Variants in SLC19A1 observed in about 807,000 individuals in gnomAD.
SLC19A1 encodes solute carrier family 19 member 1, also known as reduced folate transporter.
SLC19A1 carries 37 observed loss-of-function variants against 35.3 expected under a neutral mutation model. That is an observed-to-expected ratio of 1.05 (90% confidence interval 0.81 to 1.38). The LOEUF is 1.38. Among genes scored for constraint, SLC19A1 ranks in the 40% most tolerant of loss-of-function variants. The probability of loss-of-function intolerance (pLI) is 0.00; values close to 1 mark genes in which losing one functional copy is unlikely to be tolerated. For missense variants in SLC19A1, 831 were observed against 826.9 expected (o/e 1.00, Z -0.06); for synonymous variants, 460 against 398.5 (o/e 1.15, Z -1.84).
At chr21:45,508,100 ATGGTGGTCAGGCGGGTGAGTGGACGGG>A (rs1269541793), downstream of SLC19A1, among the ~76,000 whole-genome samples, 1 of 114,600 alleles carries the variant, frequency 8.7e-6, no homozygotes, top group East Asian at 3.2e-4. Flanking sequence ...GAGTGGATGG[ATGGTGGTCAGGCGGGTGAGTGGACGGG>A]TGGGTGGGTG....
chr21:45,531,988 G>T lies in SLC19A1; in HGVS notation c.350C>A (p.Ala117Glu), dbSNP rs747734314. The change falls in exon 3 of 6, where the codon GCG (alanine) becomes GAG (glutamate). Residue 117 changes from alanine to glutamate, a missense_variant. Ala to Glu is a moderately radical substitution (Grantham distance 107). Coordinates refer to ENST00000311124, the MANE Select transcript of SLC19A1 (RefSeq NM_194255.4). The stretch of plus-strand genomic sequence containing the variant: ...GAAGAGCTCCATGAGCTGCATGTGC[G>T]CCACCGAGTGGCCCAGCAGCAGCAG... ...WLLLLLGHSV[A>E]HMQLMELFYS... is the part of the protein sequence containing the mutation. 2.0e-5 allele frequency: 32 copies of T among 1,609,736 alleles called. 1 individual carries two copies. The South Asian group carries it at 3.3e-4, about 17-fold the overall frequency.
chr21:45,528,824 C>T (rs1332912988), intron 4 of SLC19A1, among the ~76,000 whole-genome samples: 2 of 152,228 alleles, frequency 1.3e-5, no homozygotes, highest in Non-Finnish European at 2.9e-5. Flanking sequence ...TGACCATCTG[C>T]ATCTGTGTCT....
At chr21:45,560,234 C>T (rs1419442281) in intron 1 of SLC19A1, among the ~76,000 whole-genome samples, 2 of 152,224 alleles carry the variant, frequency 1.3e-5, no homozygotes, top group African/African-American at 4.8e-5. Flanking sequence ...GGACTCCTCC[C>T]ACAGCCACAC....
At chr21:45,512,439 C>A, downstream of SLC19A1, 1 of 1,584,028 alleles carries the variant, frequency 6.3e-7, no homozygotes, top group Non-Finnish European at 8.6e-7. Context: ...ACCGGCGGCT[C>A]GGAGGAAGCC....
At chr21:45,537,069 C>T (rs575721666) in intron 2 of SLC19A1, among the ~76,000 whole-genome samples, 22 of 152,304 alleles carry the variant, frequency 1.4e-4, no homozygotes, top group African/African-American at 4.8e-4. Context: ...TCAATAATCT[C>T]TTTAGGTAAA....
chr21:45,507,690 G>A (rs148777640), downstream of SLC19A1: 10,497 of 1,172,536 alleles, frequency 9.0e-3, 64 homozygotes, highest in Non-Finnish European at 0.011. Context: ...GTCCTTTGGA[G>A]TCCTGGAGCT....
intron 5 of SLC19A1, among the ~76,000 whole-genome samples, chr21:45,516,656 A>G (rs189510789): frequency 2.6e-5 from 4 of 152,320 alleles, no homozygotes; most frequent in Admixed American, 6.5e-5. Context: ...GACCAGAAGG[A>G]GCAGCACCAG....
intron 3 of SLC19A1, chr21:45,505,827 G>A (rs1263720039): frequency 8.7e-7 from 1 of 1,143,154 alleles, no homozygotes; most frequent in Admixed American, 1.9e-5. Flanking sequence ...CTCTGCATTT[G>A]GTCCCAGCAG....
chr21:45,507,443 C>G, intron 3 of SLC19A1: 1 of 905,126 alleles, frequency 1.1e-6, no homozygotes, highest in Non-Finnish European at 1.8e-6. Context: ...AGGGAGGGCA[C>G]CCTCCTGTGG....
At chr21:45,538,119 C>T in intron 1 of SLC19A1, 111 bp from the exon 2 acceptor site, 1 of 599,092 alleles carries the variant, frequency 1.7e-6, no homozygotes, top group South Asian at 2.3e-5. Flanking sequence ...CAAACGCCAC[C>T]CTGGAGACGA....
In SLC19A1 at chr21:45,519,502, T is replaced by A. The variant is rs573938904; in HGVS notation, c.1294-3362A>T. 8.0e-5 allele frequency among the ~76,000 whole-genome samples: 11 copies of A among 137,762 alleles called. No homozygotes were observed. In the South Asian group the frequency reaches 2.4e-3, roughly 30 times the overall value. 90.4% of individuals were successfully genotyped at this position (137,762 alleles called of 152,430 possible). A position where few individuals can be genotyped will look rare whatever the true frequency, so the allele number is the denominator to read the frequency against. ...AAGTAAAACGATGGAAAAAGATGTA[T>A]CATGTGAACATTAATCAAAGGAAAG... On this transcript the variant is annotated intron_variant, in intron 5 of 5. Coordinates refer to ENST00000311124, the MANE Select transcript of SLC19A1 (RefSeq NM_194255.4).
chr21:45,511,460 C>T (rs759197606), downstream of SLC19A1, among the ~76,000 whole-genome samples: 1 of 152,178 alleles, frequency 6.6e-6, no homozygotes, highest in Non-Finnish European at 1.5e-5. Flanking sequence ...GAAGGTGCCC[C>T]CGGCCCTCTG....
chr21:45,558,166 A>G lies in SLC19A1; in HGVS notation c.-50+4576T>C, dbSNP rs572253585. Among the ~76,000 whole-genome samples the G allele has an allele frequency of 2.6e-5, 4 of 152,344 alleles. No individual in the cohort carries two copies. The East Asian group carries it at 7.7e-4, about 29-fold the overall frequency. On this transcript the variant is annotated intron_variant, in intron 1 of 5. Transcript: ENST00000650808. ...CGGCTTCTGAAAACCCTTCGGGGCC[A>G]AGGCTCTCTAGTCGGACTCCACACG...
At chr21:45,508,509 A>G (rs1480814386), downstream of SLC19A1, among the ~76,000 whole-genome samples, 38 of 142,988 alleles carry the variant, frequency 2.7e-4, no homozygotes, top group East Asian at 1.2e-3. Context: ...ATGGTGGGTA[A>G]GTGGGTTAGT....
downstream of SLC19A1, chr21:45,509,483 C>G (rs1022303980): frequency 3.9e-6 from 6 of 1,527,722 alleles, no homozygotes; most frequent in South Asian, 4.7e-5. Flanking sequence ...GCCAGCCCCC[C>G]TCGCCTGCCC....
At position 45,515,694 on chromosome 21, in the gene SLC19A1, A is replaced by G. The variant is rs1416871288; in HGVS notation, c.1740T>C (p.Cys580=). ...CATTCTGAACACCGTCGCTTGGAAG[A>G]CACTGCAAACCCAGCTTGCTGACAC... ...PPGVSKLGLQ[C]LPSDGVQNVN... Residue 580 remains cysteine (C), a synonymous_variant, in exon 6 of 6, where the codon TGT becomes TGC. Coordinates refer to ENST00000311124, the MANE Select transcript of SLC19A1 (RefSeq NM_194255.4). 8.1e-6 allele frequency: 13 copies of G among 1,613,750 alleles called. No individual in the cohort carries two copies. Among genetic ancestry groups the G allele is most frequent in the African/African-American group, 1.3e-5 (1 of 75,046 alleles).
At chr21:45,505,776 C>A (rs892194734) in intron 3 of SLC19A1, 9 of 1,278,060 alleles carry the variant, frequency 7.0e-6, no homozygotes, top group Non-Finnish European at 8.8e-6. Context: ...GCATTCCTTC[C>A]TTCCGCCCCT....
In SLC19A1 at chr21:45,559,453, G is replaced by A. The variant is rs10439736; in HGVS notation, c.-50+3289C>T. On this transcript the variant is annotated intron_variant, in intron 1 of 5. Coordinates refer to the SLC19A1 transcript ENST00000650808. ...GGACCAGCGGTAGGCAGCATCCTCC[G>A]GAGACCACGGGAAGGCCAGGTCTTC... Among the ~76,000 whole-genome samples, 404 of 152,292 alleles carry A rather than the reference G, an allele frequency of 2.7e-3. 2 individuals are homozygous for A. The highest frequency in any genetic ancestry group is 9.1e-3 in the African/African-American group (379 of 41,568).
At chr21:45,509,623 G>A, downstream of SLC19A1, 1 of 1,329,476 alleles carries the variant, frequency 7.5e-7, no homozygotes, top group Non-Finnish European at 1.0e-6. Context: ...CCCAAAGTGG[G>A]CTTGGCTCCA....
Sources: gnomAD v4.1 joint callset for allele counts (sites outside exome capture counted in the v4.1 genomes callset) on GRCh38, gnomAD v4.1.1 for gene constraint, MANE v1.5 for transcripts, NCBI Gene and HGNC (gene_info 2026-07-23, HGNC 2026-07-21) for gene names.